The following PGGT1B variants were observed in gnomAD, a reference collection of about 807,000 sequenced individuals.
PGGT1B encodes the protein geranylgeranyl transferase type-1 subunit beta.
PGGT1B carries 30 observed loss-of-function variants against 46.1 expected under a neutral mutation model. The ratio of observed to expected loss-of-function variants is 0.65; its 90% confidence interval spans 0.49 to 0.88. The LOEUF is 0.88. Ranked by LOEUF, PGGT1B falls within the 40% of genes least tolerant of loss-of-function variation. The pLI is 0.00. For missense variants in PGGT1B, 376 were observed against 455.9 expected (o/e 0.82, Z 1.60); for synonymous variants, 170 against 160.0 (o/e 1.06, Z -0.47).
At chr5:115,253,098 C>A in intron 2 of PGGT1B, 39 bp downstream of exon 2, 5 of 1,580,802 alleles carry the variant, frequency 3.2e-6, no homozygotes, top group Non-Finnish European at 4.3e-6. Context: ...TCAGGTACAA[C>A]CAGTCACACT....
chr5:115,229,623 A>T (rs993807549), intron 6 of PGGT1B, among the ~76,000 whole-genome samples: 2 of 152,140 alleles, frequency 1.3e-5, no homozygotes, highest in East Asian at 3.9e-4. Context: ...CTTGGAAATA[A>T]TATCAGCTGT....
intron 1 of PGGT1B, among the ~76,000 whole-genome samples, chr5:115,259,490 C>A (rs1230323739): frequency 6.6e-6 from 1 of 152,018 alleles, no homozygotes; most frequent in East Asian, 1.9e-4. Flanking sequence ...GAGACCAAGA[C>A]CATCCTGGCC....
At chr5:115,255,699 G>A (rs763707404) in intron 1 of PGGT1B, among the ~76,000 whole-genome samples, 1 of 151,956 alleles carries the variant, frequency 6.6e-6, no homozygotes, top group Admixed American at 6.6e-5. Flanking sequence ...TATGCAAAAG[G>A]CTATAAAAAC....
At chr5:115,228,726 G>A (rs188798211) in intron 6 of PGGT1B, among the ~76,000 whole-genome samples, 1 of 152,244 alleles carries the variant, frequency 6.6e-6, no homozygotes, top group East Asian at 1.9e-4. Flanking sequence ...AAGAAACAAA[G>A]ATGGTGAAGG....
At chr5:115,249,682 T>C (rs1271161059) in intron 2 of PGGT1B, among the ~76,000 whole-genome samples, 2 of 152,102 alleles carry the variant, frequency 1.3e-5, no homozygotes, top group African/African-American at 4.8e-5. Context: ...AAGGTTGCTT[T>C]ACGAGGAAGT....
intron 2 of PGGT1B, among the ~76,000 whole-genome samples, chr5:115,242,764 C>T (rs925157134): frequency 6.6e-6 from 1 of 152,058 alleles, no homozygotes; most frequent in African/African-American, 2.4e-5. Context: ...GTCAGGAGTT[C>T]CAGACCAGCC....
rs1412576703 is a variant in PGGT1B, at chr5:115,208,087, C to G, written c.*4315G>C. The G allele has an allele frequency of 6.6e-6, 1 of 151,782 alleles. No individual in the cohort carries two copies. Among genetic ancestry groups the G allele is most frequent in the African/African-American group, 2.4e-5 (1 of 41,322 alleles). The allele number at this position is 151,782 out of a possible 1,614,324, so 9.4% of individuals were successfully genotyped here. ...ATAAACCCAACTTAGTCATGATTAC[C>G]TTTTGAAAGTGCTGTTGGATTGTTT... On this transcript the variant is annotated 3_prime_UTR_variant, in exon 9 of 9. Transcript: ENST00000419445.
chr5:115,204,722 T>A lies in PGGT1B; in HGVS notation c.*7680A>T, dbSNP rs1415570005. 6.6e-6 allele frequency: 1 copy of A among 152,154 alleles called. No individual in the cohort carries two copies. Among genetic ancestry groups the A allele is most frequent in the East Asian group, 1.9e-4 (1 of 5,194 alleles). 9.4% of individuals were successfully genotyped at this position (152,154 alleles called of 1,614,324 possible). ...CAATATTTTTAAAGCATAAATCCTT[T>A]AGTCCAGGAAATTCTTTCTAGGAAC... On this transcript the variant is annotated 3_prime_UTR_variant, in exon 9 of 9. Coordinates refer to ENST00000419445, the MANE Select transcript of PGGT1B (RefSeq NM_005023.4).
chr5:115,246,213 G>A (rs546158713), intron 2 of PGGT1B, among the ~76,000 whole-genome samples: 11 of 152,072 alleles, frequency 7.2e-5, no homozygotes, highest in South Asian at 2.1e-4. Context: ...AAAATTAGCC[G>A]GGTGTGGTGG....
chr5:115,218,790 G>C (rs1209173636), intron 7 of PGGT1B, among the ~76,000 whole-genome samples: 1 of 151,808 alleles, frequency 6.6e-6, no homozygotes, highest in Non-Finnish European at 1.5e-5. Context: ...TAAAAAGTTG[G>C]TAGTTACTAT....
At chr5:115,253,047 G>T in intron 2 of PGGT1B, 90 bp downstream of exon 2, 1 of 1,063,320 alleles carries the variant, frequency 9.4e-7, no homozygotes, top group Non-Finnish European at 1.4e-6. Flanking sequence ...TATGTTAACA[G>T]TATACAAGTA....
At chr5:115,253,088 TCAGGTACAACCA>T in intron 2 of PGGT1B, 37 bp downstream of exon 2, 1 of 1,540,530 alleles carries the variant, frequency 6.5e-7, no homozygotes, top group Non-Finnish European at 8.8e-7. Context: ...ACATGTTATG[TCAGGTACAACCA>T]GTCACACTAA....
rs1756181873 is a variant in PGGT1B, at chr5:115,210,191, T to C, written c.*2211A>G. ...AAATAAAGCTCCTCCTCCTACCTTC[T>C]AAAAAAAAAATGCCACAAAATTAGG... is the stretch of plus-strand genomic sequence containing the variant. On this transcript the variant is annotated 3_prime_UTR_variant, in exon 9 of 9. Coordinates refer to ENST00000419445, the MANE Select transcript of PGGT1B (RefSeq NM_005023.4). The C allele has an allele frequency of 6.8e-6, 1 of 147,890 alleles. No homozygotes were observed. Among genetic ancestry groups the C allele is most frequent in the Non-Finnish European group, 1.5e-5 (1 of 66,590 alleles). The allele number at this position is 147,890 out of a possible 1,614,324, so 9.2% of individuals were successfully genotyped here. A position where few individuals can be genotyped will look rare whatever the true frequency, so the allele number is the denominator to read the frequency against.
At position 115,253,231 on chromosome 5, in the gene PGGT1B, G is replaced by A. The variant is rs773284380; in HGVS notation, c.165C>T (p.Leu55=). 3.8e-6 allele frequency: 6 copies of A among 1,582,880 alleles called. No individual in the cohort carries two copies. The highest frequency in any genetic ancestry group is 5.1e-6 in the Non-Finnish European group (6 of 1,169,484). Residue 55 remains leucine (L), a synonymous_variant, in exon 2 of 9, where the codon CTC becomes CTT. Transcript: ENST00000419445. ...TSRLTIAFFA[L]SGLDMLDSLD... ...AGGAATCCAACATATCCAGCCCGGAGAGTGCAAAAAATGCAATTGTCAACC... is the reference window on the plus strand; with the variant it reads ...AGGAATCCAACATATCCAGCCCGGAAAGTGCAAAAAATGCAATTGTCAACC...
intron 1 of PGGT1B, 186 bp downstream of exon 1, chr5:115,262,526 C>T (rs191059494): frequency 1.6e-6 from 1 of 639,676 alleles, no homozygotes; most frequent in Non-Finnish European, 2.7e-6. Flanking sequence ...CGACCTACAG[C>T]CTTCCAGACC....
At chr5:115,225,939 T>A (rs1001384198) in intron 6 of PGGT1B, among the ~76,000 whole-genome samples, 8 of 152,040 alleles carry the variant, frequency 5.3e-5, no homozygotes, top group Non-Finnish European at 1.2e-4. Flanking sequence ...AGAGCCACCA[T>A]GCCCGGCCAA....
chr5:115,209,375 G>A lies in PGGT1B; in HGVS notation c.*3027C>T, dbSNP rs1363046689. 1.3e-5 allele frequency: 2 copies of A among 152,096 alleles called. No homozygotes were observed. The highest frequency in any genetic ancestry group is 2.9e-5 in the Non-Finnish European group (2 of 68,020). 9.4% of individuals were successfully genotyped at this position (152,096 alleles called of 1,614,324 possible). A position where few individuals can be genotyped will look rare whatever the true frequency, so the allele number is the denominator to read the frequency against. On this transcript the variant is annotated 3_prime_UTR_variant, in exon 9 of 9. Coordinates refer to ENST00000419445, the MANE Select transcript of PGGT1B (RefSeq NM_005023.4). ...AACATTCATCTGCAAATGAGATTCT[G>A]TAGTCACTTCCCAGTTTCAGTGTCT... is the stretch of plus-strand genomic sequence containing the variant.
intron 7 of PGGT1B, among the ~76,000 whole-genome samples, chr5:115,220,835 G>A (rs1317533595): frequency 5.3e-5 from 8 of 151,730 alleles, no homozygotes; most frequent in Non-Finnish European, 1.2e-4. Context: ...AATTTCCAGA[G>A]AATATAAAAA....
At chr5:115,254,213 A>G (rs1339135570) in intron 1 of PGGT1B, among the ~76,000 whole-genome samples, 2 of 152,026 alleles carry the variant, frequency 1.3e-5, no homozygotes, top group Admixed American at 6.6e-5. Flanking sequence ...CATCTAGAGT[A>G]CTATTATCTA....
Sources: gnomAD v4.1 joint callset for allele counts (sites outside exome capture counted in the v4.1 genomes callset) on GRCh38, gnomAD v4.1.1 for gene constraint, MANE v1.5 for transcripts, NCBI Gene and HGNC (gene_info 2026-07-23, HGNC 2026-07-21) for gene names.